NTM: variants seen among roughly 807,000 people sequenced by gnomAD.
The protein encoded by NTM is IgLON family member 2.
In NTM, 13 loss-of-function variants were observed where a neutral mutation model predicts 42.1. The observed-to-expected ratio is 0.31, with a 90% CI of 0.20 to 0.49. The LOEUF (loss-of-function observed/expected upper bound fraction) is 0.49, where lower values mean the gene tolerates loss of function less well. NTM is among the 20% of genes least tolerant of loss of function. The probability of loss-of-function intolerance (pLI) is 0.99; values close to 1 mark genes in which losing one functional copy is unlikely to be tolerated. For synonymous variants in NTM, 187 were observed against 179.2 expected, an observed-to-expected ratio of 1.04 and a Z score of -0.35; for missense variants, 373 against 452.8, an observed-to-expected ratio of 0.82 and a Z score of 1.60.
At chr11:132,315,778 T>C (rs1051099961) in intron 7 of NTM, among the ~76,000 whole-genome samples, 20 of 151,914 alleles carry the variant, frequency 1.3e-4, no homozygotes, top group African/African-American at 4.8e-4. Context: ...CCGGCACAAA[T>C]AGTAAATCCC....
intron 4 of NTM, among the ~76,000 whole-genome samples, chr11:132,294,075 C>T (rs2094537281): frequency 6.6e-6 from 1 of 152,108 alleles, no homozygotes; most frequent in Non-Finnish European, 1.5e-5. Context: ...CCACAGGCAT[C>T]ATAGGAAAGC....
chr11:132,082,253 A>T (rs1171545334), intron 2 of NTM, among the ~76,000 whole-genome samples: 1 of 152,086 alleles, frequency 6.6e-6, no homozygotes, highest in Non-Finnish European at 1.5e-5. Context: ...ACACGGACAC[A>T]TTGAAAGGTG....
chr11:131,789,902 G>A (rs1424115862), intron 1 of NTM, among the ~76,000 whole-genome samples: 2 of 137,352 alleles, frequency 1.5e-5, no homozygotes, highest in Admixed American at 7.7e-5. Context: ...CTTGCAGTGA[G>A]CCGAGATCGC....
intron 1 of NTM, among the ~76,000 whole-genome samples, chr11:131,520,450 G>T (rs1353309842): frequency 6.6e-6 from 1 of 152,156 alleles, no homozygotes; most frequent in Non-Finnish European, 1.5e-5. Context: ...ACACCAAGAA[G>T]TTCAAAGGAC....
At chr11:132,061,754 G>T (rs1446132567) in intron 2 of NTM, among the ~76,000 whole-genome samples, 1 of 152,164 alleles carries the variant, frequency 6.6e-6, no homozygotes, top group Admixed American at 6.5e-5. Flanking sequence ...CAGTTATACA[G>T]TTCAAGCATC....
chr11:131,420,371 T>C (rs1213575937), intron 1 of NTM, among the ~76,000 whole-genome samples: 1 of 152,068 alleles, frequency 6.6e-6, no homozygotes, highest in East Asian at 1.9e-4. Context: ...GGAAACAGAC[T>C]CTCTAGAACC....
At chr11:131,667,850 CT>C (rs1389383188) in intron 1 of NTM, among the ~76,000 whole-genome samples, 1 of 152,194 alleles carries the variant, frequency 6.6e-6, no homozygotes, top group Non-Finnish European at 1.5e-5. Flanking sequence ...GGTGTCTCCT[CT>C]GTGCTACCAG....
intron 2 of NTM, among the ~76,000 whole-genome samples, chr11:131,956,494 T>G (rs746793208): frequency 2.8e-4 from 42 of 151,896 alleles, no homozygotes; most frequent in Non-Finnish European, 1.3e-4. Context: ...TGGCCAGAGT[T>G]TTCAGGGGTG....
chr11:132,231,045 G>T (rs754945258), intron 4 of NTM, among the ~76,000 whole-genome samples: 8 of 152,192 alleles, frequency 5.3e-5, no homozygotes, highest in Non-Finnish European at 1.2e-4. Flanking sequence ...CTCAATAAGT[G>T]TCAGAGTGGT....
intron 7 of NTM, among the ~76,000 whole-genome samples, chr11:132,320,092 C>G (rs1216700294): frequency 6.6e-6 from 1 of 152,208 alleles, no homozygotes. Flanking sequence ...ACAGAAAGGA[C>G]ATCCACACCA....
In NTM at chr11:131,832,753, A is replaced by T. The variant is rs910054964; in HGVS notation, c.83-78811A>T. ...AACTCCTTCCAGAGTCACATTGGAG[A>T]TAAACTGAGGGAAGGTGTATGTGTA... is the stretch of plus-strand genomic sequence containing the variant. On this transcript the variant is annotated intron_variant, in intron 1 of 8. Transcript: ENST00000683400. Among the ~76,000 whole-genome samples the T allele has an allele frequency of 6.6e-5, 10 of 152,338 alleles. No individual in the cohort carries two copies. In the East Asian group the frequency reaches 1.5e-3, roughly 24 times the overall value.
At chr11:131,948,606 G>A (rs777457251) in intron 2 of NTM, among the ~76,000 whole-genome samples, 7 of 152,114 alleles carry the variant, frequency 4.6e-5, no homozygotes, top group Non-Finnish European at 7.4e-5. Flanking sequence ...CAGCCCTTTA[G>A]CCACAGGGCT....
chr11:132,170,371 C>T (rs1417888712), intron 3 of NTM, among the ~76,000 whole-genome samples: 4 of 152,170 alleles, frequency 2.6e-5, no homozygotes, highest in Non-Finnish European at 5.9e-5. Context: ...TTTATTTGAA[C>T]ACTGTCAGTG....
At chr11:131,972,022 G>C (rs1343250862) in intron 2 of NTM, among the ~76,000 whole-genome samples, 1 of 117,536 alleles carries the variant, frequency 8.5e-6, no homozygotes, top group African/African-American at 3.5e-5. Flanking sequence ...CAGCCTGGGC[G>C]ACAGAGTGAG....
At chr11:132,239,645 T>C (rs1461205913) in intron 4 of NTM, among the ~76,000 whole-genome samples, 2 of 152,226 alleles carry the variant, frequency 1.3e-5, no homozygotes, top group African/African-American at 4.8e-5. Context: ...TCTTTTACTG[T>C]ACATCTTCCC....
At chr11:131,439,993 T>A (rs1949480916) in intron 1 of NTM, among the ~76,000 whole-genome samples, 1 of 151,674 alleles carries the variant, frequency 6.6e-6, no homozygotes, top group African/African-American at 2.4e-5. Flanking sequence ...ACATTTCTCT[T>A]CTATCAGTTT....
intron 3 of NTM, among the ~76,000 whole-genome samples, chr11:132,147,511 C>T (rs764778116): frequency 5.9e-5 from 9 of 152,072 alleles, no homozygotes; most frequent in South Asian, 2.1e-4. Flanking sequence ...TAGAAGAGGG[C>T]GTGGCACATA....
At chr11:131,666,437 T>C (rs2069060692) in intron 1 of NTM, among the ~76,000 whole-genome samples, 2 of 152,162 alleles carry the variant, frequency 1.3e-5, no homozygotes, top group African/African-American at 4.8e-5. Flanking sequence ...TCATTGACCA[T>C]AATATACCAC....
chr11:131,498,006 G>A (rs1416753653), intron 1 of NTM, among the ~76,000 whole-genome samples: 2 of 152,148 alleles, frequency 1.3e-5, no homozygotes, highest in African/African-American at 4.8e-5. Flanking sequence ...TCAGCAGTAG[G>A]GACTAGCTGC....
Sources: allele counts gnomAD v4.1 joint callset (sites outside exome capture counted in the v4.1 genomes callset), GRCh38; gene constraint gnomAD v4.1.1; transcripts MANE v1.5; gene names NCBI Gene and HGNC (gene_info 2026-07-23, HGNC 2026-07-21).